HSPG2: variants seen among roughly 807,000 people sequenced by gnomAD.
The protein encoded by HSPG2 is basement membrane-specific heparan sulfate proteoglycan core protein.
HSPG2 carries 278 observed loss-of-function variants against 526.6 expected under a neutral mutation model. The observed-to-expected ratio is 0.53, with a 90% CI of 0.48 to 0.58. The LOEUF is 0.58. HSPG2 is among the 20% of genes least tolerant of loss of function. The pLI is 0.00. For synonymous variants in HSPG2, 2,465 were observed against 2,555.4 expected (o/e 0.96, Z 1.07); for missense variants, 5,354 against 6,099.5 (o/e 0.88, Z 4.07).
In HSPG2 at chr1:21,872,024, C is replaced by T. The variant is rs1015118829; in HGVS notation, c.4221+162G>A. 9.9e-5 allele frequency among the ~76,000 whole-genome samples: 15 copies of T among 152,234 alleles called. No individual in the cohort carries two copies. Among genetic ancestry groups the T allele is most frequent in the African/African-American group, 3.4e-4 (14 of 41,452 alleles). ...TATCAAATGGTGTCTGGCTGGCAAG[C>T]GGCAGAGCTGGGGTTCAGACCAATG... On this transcript the variant is annotated intron_variant, in intron 33 of 96. Coordinates refer to ENST00000374695, the MANE Select transcript of HSPG2 (RefSeq NM_005529.7). The surrounding 1 kb of genome is among the most constrained non-coding windows in gnomAD (Gnocchi z 5.5).
chr1:21,895,794 A>G lies in HSPG2; in HGVS notation c.244+128T>C. ...CACAACTGTCACTCAGCAGGTTAAG[A>G]GATCACACCCACTTCTTCTTGCTTT... On this transcript the variant is annotated intron_variant, in intron 3 of 96. Coordinates refer to ENST00000374695, the MANE Select transcript of HSPG2 (RefSeq NM_005529.7). The surrounding 1 kb of genome is among the most constrained non-coding windows in gnomAD (Gnocchi z 4.1). 4.7e-6 allele frequency: 4 copies of G among 852,324 alleles called. No individual in the cohort carries two copies. The Admixed American group carries it at 7.7e-5, about 16-fold the overall frequency. The allele number at this position is 852,324 out of a possible 1,614,324, so 52.8% of individuals were successfully genotyped here.
chr1:21,845,941 C>T (rs778265348), intron 64 of HSPG2, among the ~76,000 whole-genome samples, 167 bp downstream of exon 64: 4 of 152,228 alleles, frequency 2.6e-5, no homozygotes, highest in East Asian at 1.9e-4. Context: ...CCACCTGAGC[C>T]GGCTCCTTGG....
chr1:21,834,886 C>T lies in HSPG2; in HGVS notation c.10513G>A (p.Ala3505Thr), dbSNP rs754044910. Reference sequence around the variant, plus strand: ...AGTGCCAGGCATTCGAACTCCACGGCGTGGCCAACCACCACGGTCTGCACA... The same window carrying T: ...AGTGCCAGGCATTCGAACTCCACGGTGTGGCCAACCACCACGGTCTGCACA... The part of the protein sequence containing the change: ...TSVQTVVVGH[A>T]VEFECLALGD... The change falls in exon 77 of 97, where the codon GCC becomes ACC. Residue 3505 changes from alanine to threonine, a missense_variant. By Grantham distance (58) the Ala-to-Thr change is moderately conservative (BLOSUM62 0). Coordinates refer to ENST00000374695, the MANE Select transcript of HSPG2 (RefSeq NM_005529.7). 20 of 1,613,396 alleles carry T rather than the reference C, an allele frequency of 1.2e-5. No individual in the cohort carries two copies. The highest frequency in any genetic ancestry group is 2.7e-5 in the African/African-American group (2 of 74,894).
Position 21,895,738 on chromosome 1 carries a change from C to T in HSPG2, c.244+184G>A, listed in dbSNP as rs148320521. Among the ~76,000 whole-genome samples the T allele has an allele frequency of 7.5e-3, 1,138 of 152,334 alleles. 8 individuals are homozygous for T. The highest frequency in any genetic ancestry group is 0.011 in the Non-Finnish European group (776 of 68,032). Reference sequence around the variant, plus strand: ...TGGGCAAGCACAGGACCTGGCCACACCAGCCTTGCAGGGACCTGCCAATCA... The same window carrying T: ...TGGGCAAGCACAGGACCTGGCCACATCAGCCTTGCAGGGACCTGCCAATCA... On this transcript the variant is annotated intron_variant, in intron 3 of 96. Coordinates refer to ENST00000374695, the MANE Select transcript of HSPG2 (RefSeq NM_005529.7). This position sits in a 1 kb window ranked among gnomAD's most constrained non-coding sequence, Gnocchi z 4.1.
intron 17 of HSPG2, 50 bp from the exon 18 acceptor site, chr1:21,879,171 A>G: frequency 6.2e-7 from 1 of 1,611,168 alleles, no homozygotes; most frequent in Non-Finnish European, 8.5e-7. Flanking sequence ...GAACTGGGCC[A>G]GATGCTGCGG....
At chr1:21,869,400 C>T in intron 33 of HSPG2, 7 of 978,020 alleles carry the variant, frequency 7.2e-6, no homozygotes, top group Non-Finnish European at 8.5e-6. Flanking sequence ...GAAGTTGGTT[C>T]AGAAATGACT....
At chr1:21,861,437 C>T (rs908983148) in intron 39 of HSPG2, among the ~76,000 whole-genome samples, 3 of 151,806 alleles carry the variant, frequency 2.0e-5, no homozygotes, top group Admixed American at 2.0e-4. Flanking sequence ...TGCTTGAGCC[C>T]AGGAGTTTAA....
At chr1:21,860,423 A>G (rs780435433) in intron 39 of HSPG2, among the ~76,000 whole-genome samples, 188 bp from the exon 40 acceptor site, 1 of 152,180 alleles carries the variant, frequency 6.6e-6, no homozygotes, top group African/African-American at 2.4e-5. Flanking sequence ...GGGGAGTGTA[A>G]GGGAGTGTTA....
chr1:21,844,801 G>A (rs767179062), intron 64 of HSPG2, among the ~76,000 whole-genome samples: 1 of 152,222 alleles, frequency 6.6e-6, no homozygotes, highest in Non-Finnish European at 1.5e-5. Flanking sequence ...GAACTAATAT[G>A]TGTAAATATG....
chr1:21,936,682 G>A (rs555538763), intron 1 of HSPG2, among the ~76,000 whole-genome samples: 3 of 152,288 alleles, frequency 2.0e-5, no homozygotes, highest in South Asian at 4.1e-4. Context: ...TGCCTACCTG[G>A]GTCCAAGCTC....
rs182385954 is a variant in HSPG2, at chr1:21,846,010, C to T, written c.8464+98G>A. 82 of 1,428,536 alleles carry T rather than the reference C, an allele frequency of 5.7e-5. 1 individual carries two copies. The Middle Eastern group carries it at 1.5e-3, about 26-fold the overall frequency. 88.5% of individuals were successfully genotyped at this position (1,428,536 alleles called of 1,614,324 possible). A position where few individuals can be genotyped will look rare whatever the true frequency, so the allele number is the denominator to read the frequency against. On this transcript the variant is annotated intron_variant, in intron 64 of 96. Coordinates refer to ENST00000374695, the MANE Select transcript of HSPG2 (RefSeq NM_005529.7). ...CTGGAATCAGAGCGGCAGTTCTCGC[C>T]GAGTGCCAGAAAGTGTTTCCTTCTG... is the stretch of plus-strand genomic sequence containing the variant.
chr1:21,894,470 T>C (rs1485624433), intron 3 of HSPG2, among the ~76,000 whole-genome samples: 1 of 152,140 alleles, frequency 6.6e-6, no homozygotes. Context: ...CAAGGGCAGC[T>C]GGCAGGAGCC....
At chr1:21,901,243 G>C (rs1643086135) in intron 1 of HSPG2, among the ~76,000 whole-genome samples, 1 of 152,034 alleles carries the variant, frequency 6.6e-6, no homozygotes, top group African/African-American at 2.4e-5. Flanking sequence ...AAGCAGGTAA[G>C]GCACTTAGTG....
chr1:21,879,426 C>T (rs1478301173), intron 17 of HSPG2, among the ~76,000 whole-genome samples: 1 of 152,232 alleles, frequency 6.6e-6, no homozygotes, highest in Admixed American at 6.5e-5. Context: ...GACACCTTTG[C>T]AGGGATTTGG....
chr1:21,892,059 A>C (rs762653428), intron 3 of HSPG2, among the ~76,000 whole-genome samples: 3 of 152,254 alleles, frequency 2.0e-5, no homozygotes, highest in Non-Finnish European at 4.4e-5. Context: ...CAGAGCAGGG[A>C]GTGGCACTGT....
chr1:21,851,553 C>T lies in HSPG2; in HGVS notation c.7151G>A (p.Arg2384Gln), dbSNP rs144498303. 6.4e-5 allele frequency: 104 copies of T among 1,613,834 alleles called. 1 individual carries two copies. The highest frequency in any genetic ancestry group is 7.5e-5 in the Non-Finnish European group (88 of 1,180,062). The stretch of plus-strand genomic sequence containing the variant: ...TGTCCTCCAGTCCCATACCTGGTGC[C>T]GGACAGGGAGGCTGCCCCCACGCTT... ...WHKRGGSLPV[R>Q]HQTHGSLLRL... Residue 2384 changes from arginine (R) to glutamine (Q), a missense_variant, in exon 55 of 97, where the codon CGG (arginine) becomes CAG (glutamine). Physicochemically the swap from Arg to Gln is conservative, Grantham distance 43. Transcript: ENST00000374695.
At chr1:21,873,281 A>T in intron 30 of HSPG2, 94 bp downstream of exon 30, 1 of 1,437,428 alleles carries the variant, frequency 7.0e-7, no homozygotes, top group Non-Finnish European at 9.8e-7. Flanking sequence ...AGGCTCGGAC[A>T]GGCAAAGCCA....
At chr1:21,836,765 G>A in intron 75 of HSPG2, 37 bp downstream of exon 75, 1 of 1,513,582 alleles carries the variant, frequency 6.6e-7, no homozygotes, top group African/African-American at 1.4e-5. Context: ...CCTGGGCTAT[G>A]CTGCCCAAGT....
chr1:21,897,434 A>G (rs1642829546), intron 1 of HSPG2, among the ~76,000 whole-genome samples: 1 of 152,158 alleles, frequency 6.6e-6, no homozygotes, highest in Non-Finnish European at 1.5e-5. Flanking sequence ...AAAAACAAAG[A>G]GCCAGCCAGG....
Sources: allele counts gnomAD v4.1 joint callset (sites outside exome capture counted in the v4.1 genomes callset), GRCh38; gene constraint gnomAD v4.1.1; non-coding constraint Gnocchi (gnomAD v3.1); transcripts MANE v1.5; gene names NCBI Gene and HGNC (gene_info 2026-07-23, HGNC 2026-07-21).